PTPRT: variants seen among roughly 807,000 people sequenced by gnomAD.
PTPRT encodes receptor-type tyrosine-protein phosphatase T.
PTPRT carries 56 observed loss-of-function variants against 176.8 expected under a neutral mutation model. The ratio of observed to expected loss-of-function variants is 0.32; its 90% CI spans 0.26 to 0.40. The LOEUF (loss-of-function observed/expected upper bound fraction) is 0.40. Ranked by LOEUF, PTPRT falls within the 10% of genes least tolerant of loss-of-function variation. PTPRT has a pLI of 1.00. For synonymous variants in PTPRT, 783 were observed against 739.0 expected (o/e 1.06, Z -0.96); for missense variants, 1,540 against 1,908.2 (o/e 0.81, Z 3.60).
intron 7 of PTPRT, among the ~76,000 whole-genome samples, chr20:42,562,986 T>C (rs2072977635): frequency 1.3e-5 from 2 of 152,334 alleles, no homozygotes; most frequent in East Asian, 1.9e-4. Flanking sequence ...ATCTGAAGTA[T>C]CTTTTCATAT....
intron 8 of PTPRT, among the ~76,000 whole-genome samples, chr20:42,465,684 G>A (rs2071091042): frequency 6.6e-6 from 1 of 152,202 alleles, no homozygotes; most frequent in Non-Finnish European, 1.5e-5. Context: ...CCTTTCAAGT[G>A]TGGATTGGAA....
rs569918568 is a variant in PTPRT, at chr20:42,885,919, A to G, written c.102T>C (p.Phe34=). 792 of 1,607,870 alleles carry G rather than the reference A, an allele frequency of 4.9e-4. 14 individuals are homozygous for G. The South Asian group carries it at 8.3e-3, about 17-fold the overall frequency. The part of the protein sequence containing the change: ...RAQSAAGGCS[F]DEHYSNCGYS... ...AACCACAGTTGCTGTAGTGCTCATC[A>G]AAGGAACAGCCACCTGTAGACAAAA... The change falls in exon 2 of 31, where the codon TTT becomes TTC. Residue 34 remains phenylalanine (F), a synonymous_variant. Transcript: ENST00000373187.
chr20:43,178,247 G>T (rs1255317890), intron 1 of PTPRT, among the ~76,000 whole-genome samples: 2 of 152,174 alleles, frequency 1.3e-5, no homozygotes, highest in Admixed American at 1.3e-4. Context: ...TTGTTTAGGG[G>T]AAGATAAACA....
chr20:42,173,994 T>C (rs141199013), intron 16 of PTPRT, among the ~76,000 whole-genome samples: 118 of 152,240 alleles, frequency 7.8e-4, no homozygotes, highest in Middle Eastern at 3.4e-3. Flanking sequence ...AAACTGATGA[T>C]AAAGTAGAGT....
chr20:42,473,584 T>C (rs962706174), intron 7 of PTPRT, among the ~76,000 whole-genome samples: 1 of 152,128 alleles, frequency 6.6e-6, no homozygotes, highest in African/African-American at 2.4e-5. Context: ...CAAGCAATCA[T>C]GATCCTCTAG....
intron 13 of PTPRT, among the ~76,000 whole-genome samples, chr20:42,276,560 A>T (rs1222677779): frequency 1.6e-5 from 1 of 61,360 alleles, no homozygotes; most frequent in Admixed American, 1.9e-4. Context: ...TATATATATA[A>T]TGTTCTTGAA....
chr20:42,318,216 T>G (rs765470020), intron 11 of PTPRT, among the ~76,000 whole-genome samples: 44 of 152,194 alleles, frequency 2.9e-4, no homozygotes, highest in Non-Finnish European at 5.3e-4. Context: ...AATCACTTCC[T>G]CCTCAACTCT....
the PTPRT span, among the ~76,000 whole-genome samples, chr20:42,040,287 C>G: frequency 0.038 from 5,826 of 152,242 alleles, 179 homozygotes; most frequent in Middle Eastern, 0.068. Flanking sequence ...GGTTCAGCCT[C>G]CATTCCTTAC....
chr20:42,590,970 GTGTGTA>G lies in PTPRT; in HGVS notation c.1153+86890_1153+86895del, dbSNP rs1238264675. On this transcript the variant is annotated intron_variant, in intron 7 of 30. Transcript: ENST00000373187. The stretch of plus-strand genomic sequence containing the variant: ...TGTGTGTGTGTGTGTGTGTGTGTGT[GTGTGTA>G]ATGGGGCATTCCAAAGAGGGACTTT... Among the ~76,000 whole-genome samples the G allele has an allele frequency of 3.3e-4, 46 of 139,370 alleles. No individual in the cohort carries two copies. In the Middle Eastern group the frequency reaches 0.011, roughly 33 times the overall value. The allele number at this position is 139,370 out of a possible 152,430, so 91.4% of individuals were successfully genotyped here. A position where few individuals can be genotyped will look rare whatever the true frequency, so the allele number is the denominator to read the frequency against.
At chr20:42,550,583 G>A (rs1206748272) in intron 7 of PTPRT, among the ~76,000 whole-genome samples, 3 of 151,998 alleles carry the variant, frequency 2.0e-5, no homozygotes, top group African/African-American at 7.2e-5. Context: ...TTAACCCATG[G>A]TATCTCTTGC....
intron 19 of PTPRT, 90 bp downstream of exon 19, chr20:42,128,664 G>A: frequency 1.7e-6 from 2 of 1,195,674 alleles, no homozygotes; most frequent in Non-Finnish European, 1.2e-6. Flanking sequence ...GCTCTGGAAG[G>A]GCCACCTTCT....
At chr20:43,039,867 C>G (rs756446812) in intron 1 of PTPRT, among the ~76,000 whole-genome samples, 1 of 151,974 alleles carries the variant, frequency 6.6e-6, no homozygotes, top group African/African-American at 2.4e-5. Flanking sequence ...ATGACAAAAC[C>G]CTATCTCTAC....
At chr20:42,949,899 T>C (rs577999843) in intron 1 of PTPRT, among the ~76,000 whole-genome samples, 12 of 152,328 alleles carry the variant, frequency 7.9e-5, no homozygotes, top group African/African-American at 2.9e-4. Context: ...TACCATACCT[T>C]GTACTACTCC....
intron 6 of PTPRT, among the ~76,000 whole-genome samples, chr20:42,701,204 A>G (rs1458210372): frequency 1.3e-5 from 2 of 152,180 alleles, no homozygotes; most frequent in Admixed American, 1.3e-4. Flanking sequence ...GTGGGGATAC[A>G]TTTCCACGGG....
At chr20:42,149,728 AACTT>A (rs1434489543) in intron 17 of PTPRT, among the ~76,000 whole-genome samples, 2 of 152,198 alleles carry the variant, frequency 1.3e-5, no homozygotes, top group African/African-American at 4.8e-5. Flanking sequence ...CTGACCCAGA[AACTT>A]TTTAAGAGGG....
intron 27 of PTPRT, among the ~76,000 whole-genome samples, chr20:42,089,157 C>A (rs992385763): frequency 6.6e-6 from 1 of 151,964 alleles, no homozygotes; most frequent in African/African-American, 2.4e-5. Flanking sequence ...GGTCACGGGC[C>A]TCCATGGCTG....
chr20:42,799,508 A>G (rs1318866231), intron 2 of PTPRT, among the ~76,000 whole-genome samples: 1 of 152,222 alleles, frequency 6.6e-6, no homozygotes, highest in Non-Finnish European at 1.5e-5. Flanking sequence ...GCCTTCCCCA[A>G]CAATTCAATT....
chr20:42,120,400 C>T (rs1012299063), intron 19 of PTPRT, among the ~76,000 whole-genome samples: 14 of 152,136 alleles, frequency 9.2e-5, no homozygotes, highest in African/African-American at 3.4e-4. Context: ...AGGAAGAAAA[C>T]AATTCAATTG....
At chr20:42,821,417 T>G (rs1487185133) in intron 2 of PTPRT, among the ~76,000 whole-genome samples, 1 of 152,166 alleles carries the variant, frequency 6.6e-6, no homozygotes, top group Non-Finnish European at 1.5e-5. Flanking sequence ...TATCTCAAAA[T>G]GATAAGAGCT....
Sources: allele counts gnomAD v4.1 joint callset (sites outside exome capture counted in the v4.1 genomes callset), GRCh38; gene constraint gnomAD v4.1.1; transcripts MANE v1.5; gene names NCBI Gene and HGNC (gene_info 2026-07-23, HGNC 2026-07-21).